The following TIMM23B variants were observed in gnomAD, a reference collection of about 807,000 sequenced individuals.
TIMM23B encodes translocase of inner mitochondrial membrane 23 homolog B, also known as mitochondrial import inner membrane translocase subunit Tim23B.
In TIMM23B, 27 loss-of-function variants were observed where a neutral mutation model predicts 27.3. The observed-to-expected ratio is 0.99, with a 90% CI of 0.73 to 1.36. TIMM23B has a LOEUF of 1.36. Among genes scored for constraint, TIMM23B ranks in the 40% most tolerant of loss-of-function variants. The pLI is 0.00. For synonymous variants in TIMM23B, 73 were observed against 92.4 expected, an observed-to-expected ratio of 0.79 and a Z score of 1.21; for missense variants, 205 against 244.2, an observed-to-expected ratio of 0.84 and a Z score of 1.07.
chr10:49,945,108 C>G lies in TIMM23B; in HGVS notation c.165+18C>G. Reference sequence around the variant, plus strand: ...TCGTGCAGGTAAGACTAAGATTTTACTAGTTTGGTGCATTATTTTACCATT... The same window carrying G: ...TCGTGCAGGTAAGACTAAGATTTTAGTAGTTTGGTGCATTATTTTACCATT... On this transcript the variant is annotated intron_variant, in intron 2 of 6. Coordinates refer to ENST00000651259, the MANE Select transcript of TIMM23B (RefSeq NM_001290117.2). 6.2e-7 allele frequency: 1 copy of G among 1,610,844 alleles called. No individual in the cohort carries two copies. Among genetic ancestry groups the G allele is most frequent in the Non-Finnish European group, 8.5e-7 (1 of 1,177,992 alleles).
intron 5 of TIMM23B, 145 bp from the exon 6 acceptor site, chr10:49,958,225 T>C: frequency 1.6e-6 from 1 of 634,710 alleles, no homozygotes; most frequent in Non-Finnish European, 2.9e-6. Flanking sequence ...CAAGGACAAA[T>C]ACCTTAACAA....
At chr10:49,969,314 G>C (rs562083053) in intron 6 of TIMM23B, among the ~76,000 whole-genome samples, 2,114 of 151,870 alleles carry the variant, frequency 0.014, 9 homozygotes, top group African/African-American at 0.046. Flanking sequence ...GTGGGCACCT[G>C]TAGTCCCACT....
At chr10:49,958,269 G>A in intron 5 of TIMM23B, 101 bp from the exon 6 acceptor site, 1 of 753,216 alleles carries the variant, frequency 1.3e-6, no homozygotes, top group Non-Finnish European at 2.4e-6. Flanking sequence ...AGGGCTATGG[G>A]AGTTATGAGC....
intron 6 of TIMM23B, among the ~76,000 whole-genome samples, chr10:49,959,146 G>A (rs1430499656): frequency 6.6e-6 from 1 of 152,044 alleles, no homozygotes; most frequent in Admixed American, 6.5e-5. Context: ...TGGATCATAT[G>A]GTTTATGGTG....
intron 6 of TIMM23B, among the ~76,000 whole-genome samples, chr10:49,970,869 C>T (rs1225090583): frequency 5.3e-5 from 8 of 150,510 alleles, no homozygotes; most frequent in African/African-American, 1.2e-4. Flanking sequence ...ATGACGATGG[C>T]GGTTTTGTTG....
chr10:49,970,610 C>T (rs1461112411), intron 6 of TIMM23B, among the ~76,000 whole-genome samples: 2 of 135,718 alleles, frequency 1.5e-5, no homozygotes, highest in Non-Finnish European at 3.2e-5. Flanking sequence ...CCGCCCCGTC[C>T]GGGAGGTGGG....
chr10:49,947,067 A>T (rs1453277719), intron 2 of TIMM23B, among the ~76,000 whole-genome samples: 7 of 152,360 alleles, frequency 4.6e-5, no homozygotes, highest in Admixed American at 4.6e-4. Flanking sequence ...ACTGGAATCC[A>T]TATGCATAAG....
At position 49,942,174 on chromosome 10, in the gene TIMM23B, C is replaced by A; in HGVS notation, c.-21C>A. 2.5e-6 allele frequency: 4 copies of A among 1,571,550 alleles called. No homozygotes were observed. The highest frequency in any genetic ancestry group is 3.5e-6 in the Non-Finnish European group (4 of 1,155,812). On this transcript the variant is annotated 5_prime_UTR_variant, in exon 1 of 7. Transcript: ENST00000651259. ...CCAGGCTTGAGGCAGCGGCGGGAAC[C>A]ACTCGGTTTGCTGCGATACCATGGA...
chr10:49,947,573 G>C (rs1212296705), intron 2 of TIMM23B, among the ~76,000 whole-genome samples: 3 of 151,858 alleles, frequency 2.0e-5, no homozygotes, highest in African/African-American at 7.3e-5. Flanking sequence ...CGCACCACCC[G>C]CACTTCAGCC....
intron 2 of TIMM23B, among the ~76,000 whole-genome samples, 156 bp downstream of exon 2, chr10:49,945,246 C>G (rs1278934756): frequency 6.6e-6 from 1 of 152,094 alleles, no homozygotes; most frequent in African/African-American, 2.4e-5. Flanking sequence ...AGGAGCTTGG[C>G]CTGCATCTCT....
chr10:49,944,692 A>G (rs1296398313), intron 1 of TIMM23B, among the ~76,000 whole-genome samples: 3 of 152,254 alleles, frequency 2.0e-5, no homozygotes, highest in Admixed American at 6.5e-5. Flanking sequence ...TGTAATTTAT[A>G]TAGTCACCAA....
Position 49,968,361 on chromosome 10 carries a change from C to T in TIMM23B, c.515-4651C>T, listed in dbSNP as rs541675533. 1.5e-3 allele frequency among the ~76,000 whole-genome samples: 234 copies of T among 152,370 alleles called. 3 individuals carry two copies. The highest frequency in any genetic ancestry group is 9.7e-3 in the South Asian group (47 of 4,832). On this transcript the variant is annotated intron_variant, in intron 6 of 6. Coordinates refer to ENST00000651259, the MANE Select transcript of TIMM23B (RefSeq NM_001290117.2). ...CTTAGATTTTACAATCCTTTTAAGA[C>T]TTAAGACTCTTAGGTCTGTGGAGTC...
At chr10:49,966,180 C>T (rs1840149161) in intron 6 of TIMM23B, among the ~76,000 whole-genome samples, 1 of 146,552 alleles carries the variant, frequency 6.8e-6, no homozygotes, top group African/African-American at 2.5e-5. Flanking sequence ...GAGTCTTCAT[C>T]TCTAAATGAA....
chr10:49,957,363 C>T (rs1839759194), intron 5 of TIMM23B, among the ~76,000 whole-genome samples: 1 of 151,412 alleles, frequency 6.6e-6, no homozygotes, highest in Non-Finnish European at 1.5e-5. Context: ...CCTCCCACCT[C>T]AGCCTTTCAA....
At chr10:49,969,798 GTCTCCC>G (rs1328158445) in intron 6 of TIMM23B, among the ~76,000 whole-genome samples, 5 of 151,254 alleles carry the variant, frequency 3.3e-5, no homozygotes, top group South Asian at 2.1e-4. Flanking sequence ...TCTCCCCACG[GTCTCCC>G]TCTCCCTCTC....
At chr10:49,956,426 CGTGTGTGTGTGT>C (rs1173703740) in intron 5 of TIMM23B, among the ~76,000 whole-genome samples, 3,746 of 113,924 alleles carry the variant, frequency 0.033, 270 homozygotes, top group South Asian at 0.1. Flanking sequence ...ACTAGAAATA[CGTGTGTGTGTGT>C]GTGTGTGTGT....
Position 49,956,449 on chromosome 10 carries a change from GTGTGTGTGTGTGTGTGTGTGTA to G in TIMM23B, c.403+1397_403+1418del, listed in dbSNP as rs1200969901. Among the ~76,000 whole-genome samples, 4 of 125,924 alleles carry G rather than the reference GTGTGTGTGTGTGTGTGTGTGTA, an allele frequency of 3.2e-5. 1 individual carries two copies. The highest frequency in any genetic ancestry group is 5.7e-5 in the Non-Finnish European group (3 of 52,456). 82.6% of individuals were successfully genotyped at this position (125,924 alleles called of 152,430 possible). A position where few individuals can be genotyped will look rare whatever the true frequency, so the allele number is the denominator to read the frequency against. On this transcript the variant is annotated intron_variant, in intron 5 of 6. Transcript: ENST00000651259. ...TACGTGTGTGTGTGTGTGTGTGTGT[GTGTGTGTGTGTGTGTGTGTGTA>G]TGTGTGTCTTCAATCCGAAGTACAG...
rs1257156346 is a variant in TIMM23B at position 49,963,997 on chromosome 10, TAATGA to T, written c.514+5524_514+5528del. Reference sequence around the variant, plus strand: ...CATGACATGACATGATGAAATGAAATAATGAAATGAATAATGAAATGCGTGTGGTG... The same window carrying T: ...CATGACATGACATGATGAAATGAAATAATGAATAATGAAATGCGTGTGGTG... On this transcript the variant is annotated intron_variant, in intron 6 of 6. Coordinates refer to ENST00000651259, the MANE Select transcript of TIMM23B (RefSeq NM_001290117.2). Among the ~76,000 whole-genome samples, 14 of 151,644 alleles carry T rather than the reference TAATGA, an allele frequency of 9.2e-5. 1 individual carries two copies. Among genetic ancestry groups the T allele is most frequent in the Admixed American group, 1.3e-4 (2 of 15,230 alleles).
At chr10:49,970,308 G>T in intron 6 of TIMM23B, 1 of 156,378 alleles carries the variant, frequency 6.4e-6, no homozygotes, top group African/African-American at 2.4e-5. Context: ...GGGAAGTGAG[G>T]AGCGCCTTTT....
Sources: gnomAD v4.1 joint callset for allele counts (sites outside exome capture counted in the v4.1 genomes callset) on GRCh38, gnomAD v4.1.1 for gene constraint, MANE v1.5 for transcripts, NCBI Gene and HGNC (gene_info 2026-07-23, HGNC 2026-07-21) for gene names.